MIGA1: variants seen among roughly 807,000 people sequenced by gnomAD.
MIGA1 encodes the protein mitoguardin 1.
A neutral mutation model predicts 82.0 loss-of-function variants in MIGA1; 58 were observed. The ratio of observed to expected loss-of-function variants is 0.71; its 90% CI spans 0.57 to 0.88. The LOEUF (loss-of-function observed/expected upper bound fraction) is 0.88, where lower values mean the gene tolerates loss of function less well. Ranked by LOEUF, MIGA1 falls within the 40% of genes least tolerant of loss-of-function variation. MIGA1 has a pLI of 0.00. For synonymous variants in MIGA1, 249 were observed against 253.6 expected (o/e 0.98, Z 0.17); for missense variants, 751 against 749.1 (o/e 1.00, Z -0.03).
At chr1:77,866,527 T>A in intron 14 of MIGA1, 136 bp downstream of exon 14, 1 of 759,004 alleles carries the variant, frequency 1.3e-6, no homozygotes, top group East Asian at 2.6e-5. Context: ...GCTAGATGAG[T>A]GACTTACTGG....
chr1:77,805,244 C>T (rs920136781), intron 4 of MIGA1, among the ~76,000 whole-genome samples: 1 of 152,186 alleles, frequency 6.6e-6, no homozygotes. Flanking sequence ...ATTCACCTGC[C>T]TCAGCCTCCC....
At chr1:77,814,551 C>T (rs908956662) in intron 6 of MIGA1, among the ~76,000 whole-genome samples, 2 of 152,184 alleles carry the variant, frequency 1.3e-5, no homozygotes, top group Non-Finnish European at 2.9e-5. Flanking sequence ...CACATTCTAC[C>T]TTGTCTGGCT....
At chr1:77,782,239 A>G (rs1014483111) in intron 1 of MIGA1, among the ~76,000 whole-genome samples, 4 of 152,246 alleles carry the variant, frequency 2.6e-5, no homozygotes, top group African/African-American at 9.6e-5. Flanking sequence ...TTTGGTAGAC[A>G]TAAACATTGT....
chr1:77,843,216 T>G, intron 7 of MIGA1, 91 bp from the exon 8 acceptor site: 1 of 890,122 alleles, frequency 1.1e-6, no homozygotes, highest in Non-Finnish European at 1.8e-6. Flanking sequence ...AAATAAAGAC[T>G]GGGGGAAAAA....
In MIGA1 at chr1:77,807,081, C is replaced by A; in HGVS notation, c.617C>A (p.Pro206Gln). The A allele has an allele frequency of 6.3e-7, 1 of 1,591,320 alleles. No homozygotes were observed. The highest frequency in any genetic ancestry group is 8.6e-7 in the Non-Finnish European group (1 of 1,161,520). Reference sequence around the variant, plus strand: ...CTTGTTAATATTCCTGTGACTACTCCAGAGAACTTATACTTAATGGGTAGG... The same window carrying A: ...CTTGTTAATATTCCTGTGACTACTCAAGAGAACTTATACTTAATGGGTAGG... The change falls in exon 5 of 16, where the codon CCA (proline) becomes CAA (glutamine). Residue 206 changes from proline (P) to glutamine (Q), a missense_variant. By Grantham distance (76) the Pro-to-Gln change is moderately conservative. Transcript: ENST00000370791.
chr1:77,803,435 A>C, intron 4 of MIGA1, 29 bp downstream of exon 4: 1 of 1,255,426 alleles, frequency 8.0e-7, no homozygotes, highest in Non-Finnish European at 1.1e-6. Flanking sequence ...TTAATTTTTA[A>C]AATTTTTGTT....
chr1:77,821,419 T>A (rs1275551043), intron 7 of MIGA1, among the ~76,000 whole-genome samples: 4 of 151,682 alleles, frequency 2.6e-5, no homozygotes, highest in African/African-American at 7.3e-5. Context: ...AGATGGAATT[T>A]CGCTCTTGTT....
intron 1 of MIGA1, among the ~76,000 whole-genome samples, chr1:77,781,070 C>T (rs1464799895): frequency 6.6e-6 from 1 of 151,860 alleles, no homozygotes; most frequent in African/African-American, 2.4e-5. Flanking sequence ...TCACTCCTGG[C>T]TAATTTTTTT....
intron 4 of MIGA1, among the ~76,000 whole-genome samples, chr1:77,804,246 A>C (rs1683000829): frequency 6.6e-6 from 1 of 152,136 alleles, no homozygotes; most frequent in Admixed American, 6.5e-5. Flanking sequence ...TGAATCATTA[A>C]TACAGTATTG....
At chr1:77,788,031 G>T (rs560875312) in intron 2 of MIGA1, among the ~76,000 whole-genome samples, 5 of 151,394 alleles carry the variant, frequency 3.3e-5, no homozygotes, top group Non-Finnish European at 7.4e-5. Flanking sequence ...TCTTCACCCA[G>T]GTTAGAGTGC....
intron 5 of MIGA1, among the ~76,000 whole-genome samples, chr1:77,810,052 T>A (rs1683261131): frequency 6.6e-6 from 1 of 151,720 alleles, no homozygotes; most frequent in Admixed American, 6.6e-5. Context: ...ATTTTTAGAT[T>A]ACATTGTTTA....
intron 7 of MIGA1, among the ~76,000 whole-genome samples, chr1:77,820,768 T>C (rs1447274254): frequency 6.6e-6 from 1 of 152,202 alleles, no homozygotes; most frequent in Non-Finnish European, 1.5e-5. Flanking sequence ...TCCTTCTCAA[T>C]GGGCCTTTGG....
rs1557923660 is a variant in MIGA1 at position 77,843,413 on chromosome 1, A to AC, written c.996+7dup. 6.2e-7 allele frequency: 1 copy of AC among 1,606,968 alleles called. No individual in the cohort carries two copies. Among genetic ancestry groups the AC allele is most frequent in the Non-Finnish European group, 8.5e-7 (1 of 1,173,582 alleles). ...CCTTTGCTTCCGCAGCAGAGGTAGGACATATGTGTTCCTAATGAGGATTTC... is the reference window on the plus strand; with the variant it reads ...CCTTTGCTTCCGCAGCAGAGGTAGGACCATATGTGTTCCTAATGAGGATTTC... On this transcript the variant is annotated splice_region_variant and intron_variant, in intron 8 of 15. Coordinates refer to ENST00000370791, the MANE Select transcript of MIGA1 (RefSeq NM_198549.4).
rs963509915 is a variant in MIGA1 at position 77,866,370 on chromosome 1, A to G, written c.1542A>G (p.Lys514=). The change falls in exon 14 of 16, where the codon AAA becomes AAG. Residue 514 remains lysine, a synonymous_variant. Transcript: ENST00000370791. ...CTTCAAGTTGTTGGTCGGTGCTGAAACAGAAAAGACAACAGATGAAGGTAA... is the reference window on the plus strand; with the variant it reads ...CTTCAAGTTGTTGGTCGGTGCTGAAGCAGAAAAGACAACAGATGAAGGTAA... 3 of 1,614,060 alleles carry G rather than the reference A, an allele frequency of 1.9e-6. No individual in the cohort carries two copies. Among genetic ancestry groups the G allele is most frequent in the Non-Finnish European group, 1.7e-6 (2 of 1,179,982 alleles).
chr1:77,864,626 A>T (rs1685594318), intron 13 of MIGA1, among the ~76,000 whole-genome samples: 1 of 152,224 alleles, frequency 6.6e-6, no homozygotes, highest in South Asian at 2.1e-4. Context: ...CAGTAAGCCG[A>T]GATCGTGCCG....
chr1:77,828,235 G>A (rs1684105163), intron 7 of MIGA1, among the ~76,000 whole-genome samples: 1 of 152,146 alleles, frequency 6.6e-6, no homozygotes, highest in African/African-American at 2.4e-5. Context: ...GTCTGAAACT[G>A]GTTTGAATGT....
intron 7 of MIGA1, among the ~76,000 whole-genome samples, chr1:77,815,478 T>C (rs1250311867): frequency 2.0e-5 from 3 of 152,274 alleles, no homozygotes; most frequent in Middle Eastern, 3.4e-3. Context: ...TTAAAATATA[T>C]TGTGGGTGAA....
At chr1:77,845,803 C>T (rs1684816186) in intron 8 of MIGA1, among the ~76,000 whole-genome samples, 1 of 152,034 alleles carries the variant, frequency 6.6e-6, no homozygotes, top group African/African-American at 2.4e-5. Context: ...TCAGGATTAC[C>T]AGAAAGATTT....
chr1:77,848,652 G>A, intron 8 of MIGA1: 1 of 1,571,032 alleles, frequency 6.4e-7, no homozygotes, highest in Admixed American at 1.7e-5. Flanking sequence ...GGCAAGAGAA[G>A]GGTAAAGAAC....
Sources: gnomAD v4.1 joint callset for allele counts (sites outside exome capture counted in the v4.1 genomes callset) on GRCh38, gnomAD v4.1.1 for gene constraint, MANE v1.5 for transcripts, NCBI Gene and HGNC (gene_info 2026-07-23, HGNC 2026-07-21) for gene names.